The following LPA variants were observed in gnomAD, a reference collection of about 807,000 sequenced individuals.
LPA encodes the protein apolipoprotein(a).
LPA carries 199 observed loss-of-function variants against 197.9 expected under a neutral mutation model. The observed-to-expected ratio is 1.01, with a 90% CI of 0.90 to 1.13. The LOEUF (loss-of-function observed/expected upper bound fraction) is 1.13, where lower values mean the gene tolerates loss of function less well. LPA is among the 50% of genes most tolerant of loss of function. The pLI is 0.00. For synonymous variants in LPA, 715 were observed against 639.5 expected (o/e 1.12, Z -1.78); for missense variants, 1,853 against 1,785.8 (o/e 1.04, Z -0.68).
intron 2 of LPA, among the ~76,000 whole-genome samples, chr6:160,648,626 T>C (rs746934865): frequency 2.6e-5 from 4 of 152,116 alleles, no homozygotes; most frequent in Non-Finnish European, 4.4e-5. Flanking sequence ...TTTGTATGTG[T>C]GTATCTGGTT....
chr6:160,550,259 T>A (rs1048184109), intron 30 of LPA, among the ~76,000 whole-genome samples: 69 of 148,800 alleles, frequency 4.6e-4, no homozygotes, highest in African/African-American at 1.7e-3. Flanking sequence ...AGGACCCCGG[T>A]GGTGGGGGAT....
chr6:160,590,369 C>A (rs1431760546), intron 23 of LPA, among the ~76,000 whole-genome samples: 1 of 152,170 alleles, frequency 6.6e-6, no homozygotes, highest in Non-Finnish European at 1.5e-5. Flanking sequence ...GGCAAGAACA[C>A]TAAGAAATCC....
intron 20 of LPA, among the ~76,000 whole-genome samples, chr6:160,596,252 C>A (rs1161538119): frequency 6.6e-6 from 1 of 152,182 alleles, no homozygotes. Flanking sequence ...TTTAGCCAGA[C>A]TGTGTTCAAT....
chr6:160,553,799 G>A (rs1778204165), intron 30 of LPA, among the ~76,000 whole-genome samples: 1 of 151,902 alleles, frequency 6.6e-6, no homozygotes, highest in African/African-American at 2.4e-5. Context: ...ATTTTTTTCT[G>A]TCCCAATATC....
At chr6:160,651,972 A>G (rs1780013575) in intron 1 of LPA, among the ~76,000 whole-genome samples, 1 of 151,862 alleles carries the variant, frequency 6.6e-6, no homozygotes, top group African/African-American at 2.4e-5. Flanking sequence ...ATAGTCTACT[A>G]GAACTTATCC....
In LPA at chr6:160,566,028, A is replaced by G. The variant is rs62441903; in HGVS notation, c.4632-8457T>C. ...CAAAGCCTCCAATAAATATGGGACT[A>G]TGTGAAAAGACCAAATCTACATCTG... On this transcript the variant is annotated intron_variant, in intron 28 of 38. Transcript: ENST00000316300. Among the ~76,000 whole-genome samples, 1,521 of 152,322 alleles carry G rather than the reference A, an allele frequency of 1.0e-2. 19 individuals carry two copies. The highest frequency in any genetic ancestry group is 0.027 in the Middle Eastern group (8 of 294).
intron 21 of LPA, among the ~76,000 whole-genome samples, 177 bp downstream of exon 21, chr6:160,595,177 C>T (rs368824579): frequency 7.9e-5 from 12 of 152,162 alleles, no homozygotes; most frequent in African/African-American, 1.9e-4. Flanking sequence ...GGGTACCAAA[C>T]ATCACAGCTC....
chr6:160,558,785 C>T (rs1440734996), intron 28 of LPA, among the ~76,000 whole-genome samples: 3 of 152,188 alleles, frequency 2.0e-5, no homozygotes, highest in Non-Finnish European at 4.4e-5. Flanking sequence ...TTAGAGAATG[C>T]ACTCCCATTC....
At chr6:160,599,999 G>A (rs1779207740) in intron 19 of LPA, among the ~76,000 whole-genome samples, 2 of 152,200 alleles carry the variant, frequency 1.3e-5, no homozygotes, top group Admixed American at 6.5e-5. Flanking sequence ...ATAGAAGAAA[G>A]GGTGATGCAT....
chr6:160,590,927 G>C lies in LPA; in HGVS notation c.3787+17C>G. The stretch of plus-strand genomic sequence containing the variant: ...CCAACGTCCAAGGGTGTGGTTGTCT[G>C]GCCAGAGACTTCTTACCTTGTTCAG... On this transcript the variant is annotated intron_variant, in intron 23 of 38. Coordinates refer to ENST00000316300, the MANE Select transcript of LPA (RefSeq NM_005577.4). 6.2e-7 allele frequency: 1 copy of C among 1,613,864 alleles called. No individual in the cohort carries two copies. The highest frequency in any genetic ancestry group is 2.2e-5 in the East Asian group (1 of 44,840).
At position 160,611,633 on chromosome 6, in the gene LPA, T is replaced by G; in HGVS notation, c.2532A>C (p.Gly844=). The G allele has an allele frequency of 1.3e-6, 2 of 1,590,480 alleles. No homozygotes were observed. Among genetic ancestry groups the G allele is most frequent in the Non-Finnish European group, 1.7e-6 (2 of 1,171,608 alleles). The change falls in exon 16 of 39, where the codon GGA becomes GGC. Residue 844 remains glycine (G), a synonymous_variant. Transcript: ENST00000316300. The part of the protein sequence containing the change: ...YRGTYSTTVT[G]RTCQAWSSMT... ...TAGATGACCAAGCTTGGCAGGTTCT[T>G]CCAGTGACAGTGGTGGAGTATGTGC...
At chr6:160,615,236 A>G (rs1418369122) in intron 14 of LPA, among the ~76,000 whole-genome samples, 1 of 130,396 alleles carries the variant, frequency 7.7e-6, no homozygotes, top group Non-Finnish European at 1.6e-5. Context: ...ATTTTCCTAC[A>G]TGTCTGTGAG....
chr6:160,560,068 C>T (rs1367452754), intron 28 of LPA, among the ~76,000 whole-genome samples: 1 of 152,166 alleles, frequency 6.6e-6, no homozygotes. Flanking sequence ...TGTTAGTTTG[C>T]TGAGAATGAT....
Position 160,601,021 on chromosome 6 carries a change from C to T in LPA, c.3023G>A (p.Arg1008Lys). ...TCGTGTCAGGTTGCAGTACTCCCAC[C>T]TGACACTGGGATCTGTTGTATAACA... is the stretch of plus-strand genomic sequence containing the variant. ...PWCYTTDPSVRWEYCNLTRCS... is the reference protein window; with the variant it reads ...PWCYTTDPSVKWEYCNLTRCS... Residue 1008 changes from arginine (R) to lysine (K), a missense_variant, in exon 19 of 39, where the codon AGG becomes AAG. This residue lies in a region of LPA where 1,737 missense variants were observed against 1,504.4 expected (regional missense o/e 1.15). Coordinates refer to ENST00000316300, the MANE Select transcript of LPA (RefSeq NM_005577.4). 6.2e-7 allele frequency: 1 copy of T among 1,614,120 alleles called. No homozygotes were observed. Among genetic ancestry groups the T allele is most frequent in the Non-Finnish European group, 8.5e-7 (1 of 1,179,970 alleles).
chr6:160,605,040 A>T lies in LPA; in HGVS notation c.2945+6T>A. ...CCTTCACTTATGGTAAAGAAAATAG[A>T]CATACGCATTTGGGTAGTATGCTGG... On this transcript the variant is annotated splice_donor_region_variant and intron_variant, in intron 18 of 38. Transcript: ENST00000316300. 1 of 1,613,516 alleles carries T rather than the reference A, an allele frequency of 6.2e-7. No individual in the cohort carries two copies. The highest frequency in any genetic ancestry group is 8.5e-7 in the Non-Finnish European group (1 of 1,179,732).
At chr6:160,541,565 G>A (rs2114998893) in intron 34 of LPA, among the ~76,000 whole-genome samples, 1 of 152,284 alleles carries the variant, frequency 6.6e-6, no homozygotes, top group Middle Eastern at 3.4e-3. Context: ...ATCTATGCAA[G>A]GTCACTCTTC....
chr6:160,654,885 T>C (rs920978671), intron 1 of LPA, among the ~76,000 whole-genome samples: 2 of 152,224 alleles, frequency 1.3e-5, no homozygotes, highest in Admixed American at 6.5e-5. Context: ...GAACCATCTA[T>C]GAACCAGTCC....
At chr6:160,601,580 A>T (rs1779242962) in intron 18 of LPA, among the ~76,000 whole-genome samples, 1 of 152,244 alleles carries the variant, frequency 6.6e-6, no homozygotes, top group Non-Finnish European at 1.5e-5. Context: ...AATGGCATCC[A>T]GCATGATATC....
chr6:160,634,642 C>T (rs1779766135), intron 7 of LPA, among the ~76,000 whole-genome samples: 1 of 151,200 alleles, frequency 6.6e-6, no homozygotes, highest in Non-Finnish European at 1.5e-5. Context: ...AGCTCATATA[C>T]TGCTCCATAG....
Sources: gnomAD v4.1 joint callset for allele counts (sites outside exome capture counted in the v4.1 genomes callset) on GRCh38, gnomAD v4.1.1 for gene constraint, gnomAD v4.1.1 regional missense constraint, MANE v1.5 for transcripts, NCBI Gene and HGNC (gene_info 2026-07-23, HGNC 2026-07-21) for gene names.